Variants in CNTNAP2 observed in about 807,000 individuals in gnomAD.
The protein encoded by CNTNAP2 is contactin-associated protein-like 2.
Under a neutral mutation model 155.2 loss-of-function variants are expected in CNTNAP2, and 98 were observed. The ratio of observed to expected loss-of-function variants is 0.63; its 90% CI spans 0.54 to 0.75. The LOEUF is 0.75. CNTNAP2 is among the 30% of genes least tolerant of loss of function. The probability of loss-of-function intolerance (pLI) is 0.00; values close to 1 mark genes in which losing one functional copy is unlikely to be tolerated. For missense variants in CNTNAP2, 1,727 were observed against 1,688.1 expected (o/e 1.02, Z -0.40); for synonymous variants, 651 against 631.2 (o/e 1.03, Z -0.47).
intron 18 of CNTNAP2, among the ~76,000 whole-genome samples, chr7:148,185,567 G>A (rs1173650504): frequency 6.6e-6 from 1 of 152,188 alleles, no homozygotes; most frequent in African/African-American, 2.4e-5. Context: ...TCAGATGAAT[G>A]AGTCCAGATT....
At chr7:147,232,022 C>A (rs1189172119) in intron 8 of CNTNAP2, among the ~76,000 whole-genome samples, 1 of 152,106 alleles carries the variant, frequency 6.6e-6, no homozygotes, top group African/African-American at 2.4e-5. Context: ...CATTTTTATA[C>A]ACTGAAAACA....
In CNTNAP2 at chr7:146,244,242, C is replaced by T. The variant is rs187874016; in HGVS notation, c.97+127269C>T. On this transcript the variant is annotated intron_variant, in intron 1 of 23. Transcript: ENST00000361727. ...TATTTACTTCAAGAGTTAAGAGTGG[C>T]AGTTTGGGGATAGCACCAGGAGGTA... 5.0e-3 allele frequency among the ~76,000 whole-genome samples: 762 copies of T among 152,248 alleles called. 6 individuals are homozygous for T. The highest frequency in any genetic ancestry group is 0.017 in the African/African-American group (718 of 41,542).
chr7:146,396,643 T>A (rs1421192731), intron 1 of CNTNAP2, among the ~76,000 whole-genome samples: 1 of 151,382 alleles, frequency 6.6e-6, no homozygotes, highest in Non-Finnish European at 1.5e-5. Flanking sequence ...TACACAAACA[T>A]TTTGCTAAAG....
chr7:146,680,295 A>G (rs1054036892), intron 1 of CNTNAP2, among the ~76,000 whole-genome samples: 7 of 152,294 alleles, frequency 4.6e-5, no homozygotes, highest in African/African-American at 1.4e-4. Flanking sequence ...AAAACAAAAC[A>G]AAAACTCCAG....
At chr7:147,402,234 C>T (rs187765129) in intron 10 of CNTNAP2, among the ~76,000 whole-genome samples, 1 of 152,152 alleles carries the variant, frequency 6.6e-6, no homozygotes, top group African/African-American at 2.4e-5. Context: ...CCTAGCATGG[C>T]TTGGGTCAGA....
intron 1 of CNTNAP2, among the ~76,000 whole-genome samples, chr7:146,256,054 C>T (rs949409266): frequency 2.6e-5 from 4 of 152,168 alleles, no homozygotes; most frequent in African/African-American, 4.8e-5. Context: ...GAACATGATT[C>T]AGCAGCAGAG....
intron 3 of CNTNAP2, among the ~76,000 whole-genome samples, chr7:147,016,870 A>G (rs1798733637): frequency 6.6e-6 from 1 of 151,984 alleles, no homozygotes; most frequent in Non-Finnish European, 1.5e-5. Context: ...GTCACTGTGC[A>G]CAGAAAGACA....
intron 3 of CNTNAP2, among the ~76,000 whole-genome samples, chr7:147,030,881 C>T (rs1799019254): frequency 6.6e-6 from 1 of 152,034 alleles, no homozygotes; most frequent in Non-Finnish European, 1.5e-5. Context: ...AAGACCCTGC[C>T]TCAAAAAATA....
chr7:146,244,530 T>G (rs1331269619), intron 1 of CNTNAP2, among the ~76,000 whole-genome samples: 1 of 152,140 alleles, frequency 6.6e-6, no homozygotes, highest in African/African-American at 2.4e-5. Context: ...GAAGGGTAAG[T>G]GGTAAAAGTA....
rs1803260422 is a variant in CNTNAP2, at chr7:148,066,290, C to CA, written c.2384-51827dup. On this transcript the variant is annotated intron_variant, in intron 15 of 23. Coordinates refer to ENST00000361727, the MANE Select transcript of CNTNAP2 (RefSeq NM_014141.6). ...GATGATCTTTTTGTGATGAATTTCC[C>CA]AGGTGTTCTTTGAGCTTCTTGTATT... Among the ~76,000 whole-genome samples the CA allele has an allele frequency of 2.0e-5, 3 of 152,076 alleles. No individual in the cohort carries two copies. The South Asian group carries it at 6.2e-4, about 32-fold the overall frequency.
At chr7:146,346,296 C>A (rs1794818219) in intron 1 of CNTNAP2, among the ~76,000 whole-genome samples, 2 of 152,198 alleles carry the variant, frequency 1.3e-5, no homozygotes, top group Admixed American at 1.3e-4. Flanking sequence ...GCTTGGCCTC[C>A]TGTCAGATCG....
intron 1 of CNTNAP2, among the ~76,000 whole-genome samples, chr7:146,631,297 A>T (rs1316832674): frequency 6.6e-6 from 1 of 152,212 alleles, no homozygotes; most frequent in East Asian, 1.9e-4. Flanking sequence ...TGAAATGGTC[A>T]ATTGAAATCG....
chr7:147,247,676 T>C (rs2116651548), intron 8 of CNTNAP2, among the ~76,000 whole-genome samples: 1 of 152,332 alleles, frequency 6.6e-6, no homozygotes, highest in African/African-American at 2.4e-5. Context: ...ATCTGAGTCC[T>C]TTAAAAGTTT....
At chr7:146,995,294 A>C (rs139704744) in intron 3 of CNTNAP2, among the ~76,000 whole-genome samples, 1 of 152,148 alleles carries the variant, frequency 6.6e-6, no homozygotes, top group Non-Finnish European at 1.5e-5. Context: ...CGCTGTAATA[A>C]AAATGAGAGC....
chr7:148,244,037 G>A (rs1013793168), intron 20 of CNTNAP2, among the ~76,000 whole-genome samples: 1 of 152,296 alleles, frequency 6.6e-6, no homozygotes, highest in South Asian at 2.1e-4. Flanking sequence ...GTTAAGGTTT[G>A]GGTGTAAGGG....
At chr7:146,419,583 A>T (rs906462360) in intron 1 of CNTNAP2, among the ~76,000 whole-genome samples, 7 of 152,144 alleles carry the variant, frequency 4.6e-5, no homozygotes, top group Admixed American at 1.3e-4. Flanking sequence ...TTCTTTAATT[A>T]AAAAAATTCA....
At chr7:146,856,293 GATAGATAC>G (rs1331393651) in intron 3 of CNTNAP2, among the ~76,000 whole-genome samples, 695 of 62,920 alleles carry the variant, frequency 0.011, 6 homozygotes, top group South Asian at 0.03. Flanking sequence ...TAGATAGATA[GATAGATAC>G]ATACATACAT....
intron 1 of CNTNAP2, among the ~76,000 whole-genome samples, chr7:146,221,460 C>T (rs1799208006): frequency 6.6e-6 from 1 of 152,030 alleles, no homozygotes; most frequent in African/African-American, 2.4e-5. Context: ...TATACATATC[C>T]ACTGCTTCAG....
intron 13 of CNTNAP2, among the ~76,000 whole-genome samples, chr7:147,751,193 A>G (rs895185875): frequency 4.0e-4 from 60 of 151,680 alleles, no homozygotes; most frequent in Admixed American, 2.0e-4. Flanking sequence ...TTTTCTTTTT[A>G]TTTCCAATTA....
Sources: gnomAD v4.1 joint callset for allele counts (sites outside exome capture counted in the v4.1 genomes callset) on GRCh38, gnomAD v4.1.1 for gene constraint, MANE v1.5 for transcripts, NCBI Gene and HGNC (gene_info 2026-07-23, HGNC 2026-07-21) for gene names.